Variants in SMARCAD1 observed in about 807,000 individuals in gnomAD.
SMARCAD1 encodes SWI/SNF-related matrix-associated actin-dependent regulator of chromatin subfamily A containing DEAD/H box 1.
A neutral mutation model predicts 127.1 loss-of-function variants in SMARCAD1; 25 were observed. That is an observed-to-expected ratio of 0.20 (90% CI 0.14 to 0.27). The LOEUF (loss-of-function observed/expected upper bound fraction) is 0.27, where lower values mean the gene tolerates loss of function less well. SMARCAD1 is among the 10% of genes least tolerant of loss of function. SMARCAD1 has a pLI of 1.00. For synonymous variants in SMARCAD1, 400 were observed against 396.9 expected (o/e 1.01, Z -0.09); for missense variants, 807 against 1,206.0 (o/e 0.67, Z 4.90).
intron 14 of SMARCAD1, among the ~76,000 whole-genome samples, chr4:94,275,519 GTCTGTCCTTTAA>G (rs1452066578): frequency 6.6e-6 from 1 of 152,072 alleles, no homozygotes; most frequent in African/African-American, 2.4e-5. Flanking sequence ...TTGTGTAGGA[GTCTGTCCTTTAA>G]AAATTCATGC....
At chr4:94,278,573 T>G in intron 17 of SMARCAD1, 43 bp from the exon 18 acceptor site, 1 of 1,611,302 alleles carries the variant, frequency 6.2e-7, no homozygotes, top group Non-Finnish European at 8.5e-7. Flanking sequence ...TAGGTTTTTC[T>G]CTTTACTAGA....
At chr4:94,287,635 T>C (rs1245037621) in intron 23 of SMARCAD1, among the ~76,000 whole-genome samples, 2 of 152,308 alleles carry the variant, frequency 1.3e-5, no homozygotes, top group South Asian at 4.1e-4. Flanking sequence ...CACCTAATAA[T>C]ACTTGGTTTA....
At chr4:94,220,313 T>C (rs1367568246) in intron 2 of SMARCAD1, among the ~76,000 whole-genome samples, 1 of 152,172 alleles carries the variant, frequency 6.6e-6, no homozygotes, top group African/African-American at 2.4e-5. Flanking sequence ...AATGGCGTGA[T>C]CTTGGCTCGC....
At position 94,272,167 on chromosome 4, in the gene SMARCAD1, A is replaced by G. The variant is rs578239251; in HGVS notation, c.1572+1349A>G. Among the ~76,000 whole-genome samples the G allele has an allele frequency of 1.4e-3, 215 of 151,924 alleles. 2 individuals are homozygous for G. The Middle Eastern group carries it at 0.021, about 15-fold the overall frequency. ...ATGCCTGATATTTCTTCTTACAAGG[A>G]CAGTCATATTGGGTTCAGGCCCCAC... is the stretch of plus-strand genomic sequence containing the variant. On this transcript the variant is annotated intron_variant, in intron 11 of 23. Coordinates refer to ENST00000354268, the MANE Select transcript of SMARCAD1 (RefSeq NM_020159.5).
chr4:94,215,119 C>A (rs187065529), intron 2 of SMARCAD1, among the ~76,000 whole-genome samples: 18 of 152,192 alleles, frequency 1.2e-4, no homozygotes, highest in Admixed American at 7.8e-4. Flanking sequence ...ATTCCGTGAC[C>A]ATTGCGCAAT....
intron 3 of SMARCAD1, among the ~76,000 whole-genome samples, chr4:94,230,389 T>C (rs1193513130): frequency 6.6e-6 from 1 of 152,142 alleles, no homozygotes; most frequent in Non-Finnish European, 1.5e-5. Context: ...GGAAATCATA[T>C]CAGTTCTAGA....
chr4:94,291,286 A>G lies in SMARCAD1; in HGVS notation c.*1752A>G, dbSNP rs1260624699. The G allele has an allele frequency of 2.3e-6, 1 of 444,276 alleles. No individual in the cohort carries two copies. Among genetic ancestry groups the G allele is most frequent in the African/African-American group, 2.0e-5 (1 of 49,176 alleles). The allele number at this position is 444,276 out of a possible 1,614,324, so 27.5% of individuals were successfully genotyped here. ...CTTGGGCTTAATAAAAATATTTGTG[A>G]TCATAAGTTGTATTTTCACACCCTT... On this transcript the variant is annotated 3_prime_UTR_variant, in exon 24 of 24. Transcript: ENST00000354268.
chr4:94,289,081 T>C (rs1755365599), intron 23 of SMARCAD1, among the ~76,000 whole-genome samples: 1 of 149,584 alleles, frequency 6.7e-6, no homozygotes, highest in Non-Finnish European at 1.5e-5. Flanking sequence ...AATAAGAATA[T>C]AGATTGGTTT....
At chr4:94,283,453 A>C (rs559542154) in intron 22 of SMARCAD1, 150 bp downstream of exon 22, 1 of 709,836 alleles carries the variant, frequency 1.4e-6, no homozygotes, top group South Asian at 1.6e-5. Context: ...AGTGTTGAAC[A>C]TCAACTGCAC....
At chr4:94,228,266 C>G (rs1052622295) in intron 3 of SMARCAD1, among the ~76,000 whole-genome samples, 2 of 152,084 alleles carry the variant, frequency 1.3e-5, no homozygotes, top group Admixed American at 1.3e-4. Context: ...AAAAAAAATG[C>G]ATTATCAACT....
At chr4:94,282,990 G>C (rs1240081212) in intron 21 of SMARCAD1, 131 bp from the exon 22 acceptor site, 12 of 744,724 alleles carry the variant, frequency 1.6e-5, no homozygotes, top group Non-Finnish European at 2.7e-5. Context: ...AGCCAGAGGA[G>C]AAATAACTGC....
Position 94,289,562 on chromosome 4 carries a change from G to A in SMARCAD1, c.*28G>A, listed in dbSNP as rs1255919349. 1.3e-6 allele frequency: 2 copies of A among 1,565,780 alleles called. No homozygotes were observed. Among genetic ancestry groups the A allele is most frequent in the South Asian group, 2.2e-5 (2 of 90,150 alleles). Reference sequence around the variant, plus strand: ...TAAGAACTGTGAACTCTCAATTGATGAGGAAATATCAACTTGGTGCACTCA... The same window carrying A: ...TAAGAACTGTGAACTCTCAATTGATAAGGAAATATCAACTTGGTGCACTCA... On this transcript the variant is annotated 3_prime_UTR_variant, in exon 24 of 24. Coordinates refer to ENST00000354268, the MANE Select transcript of SMARCAD1 (RefSeq NM_020159.5).
intron 9 of SMARCAD1, among the ~76,000 whole-genome samples, chr4:94,262,936 GAA>G (rs58752878): frequency 6.9e-6 from 1 of 144,016 alleles, no homozygotes; most frequent in South Asian, 2.2e-4. Flanking sequence ...GTTGGTTACA[GAA>G]AAAAAAAAGT....
chr4:94,256,989 CCTT>C (rs1750197848), intron 9 of SMARCAD1, among the ~76,000 whole-genome samples: 1 of 152,158 alleles, frequency 6.6e-6, no homozygotes, highest in Non-Finnish European at 1.5e-5. Flanking sequence ...ACAGTTTCCT[CCTT>C]CCTATGGAAA....
intron 6 of SMARCAD1, among the ~76,000 whole-genome samples, chr4:94,243,202 G>A (rs1272885431): frequency 1.3e-5 from 2 of 152,176 alleles, no homozygotes; most frequent in Non-Finnish European, 2.9e-5. Context: ...GCCTCTCCAA[G>A]TGCTGGGATT....
At chr4:94,282,034 T>C (rs1188022182) in intron 21 of SMARCAD1, among the ~76,000 whole-genome samples, 2 of 150,308 alleles carry the variant, frequency 1.3e-5, no homozygotes, top group Admixed American at 6.6e-5. Context: ...AGCGGGACCC[T>C]ATCTCAAAAA....
chr4:94,249,372 C>G (rs1455945163), intron 6 of SMARCAD1, among the ~76,000 whole-genome samples: 1 of 147,870 alleles, frequency 6.8e-6, no homozygotes, highest in Non-Finnish European at 1.5e-5. Flanking sequence ...ATTTGAGGAT[C>G]ATTCTAGTTT....
intron 2 of SMARCAD1, among the ~76,000 whole-genome samples, chr4:94,225,339 C>T (rs1242860174): frequency 6.6e-6 from 1 of 152,094 alleles, no homozygotes; most frequent in Non-Finnish European, 1.5e-5. Flanking sequence ...AATGGCCTTT[C>T]CTTCTTTTGC....
chr4:94,284,165 C>CA (rs70946519), intron 22 of SMARCAD1, among the ~76,000 whole-genome samples: 37,774 of 139,150 alleles, frequency 0.27, 6,002 homozygotes, highest in Non-Finnish European at 0.37. Context: ...ACTAAAAATA[C>CA]AAAAAAAAAA....
Sources: gnomAD v4.1 joint callset for allele counts (sites outside exome capture counted in the v4.1 genomes callset) on GRCh38, gnomAD v4.1.1 for gene constraint, MANE v1.5 for transcripts, NCBI Gene and HGNC (gene_info 2026-07-23, HGNC 2026-07-21) for gene names.